Variants in TPTE2 observed in about 807,000 individuals in gnomAD.
The protein encoded by TPTE2 is transmembrane phosphoinositide 3-phosphatase and tensin homolog 2.
TPTE2 carries 53 observed loss-of-function variants against 78.6 expected under a neutral mutation model. That is an observed-to-expected ratio of 0.67 (90% CI 0.54 to 0.85). The LOEUF is 0.85. Ranked by LOEUF, TPTE2 falls within the 40% of genes least tolerant of loss-of-function variation. The pLI is 0.00. For synonymous variants in TPTE2, 175 were observed against 206.2 expected, an observed-to-expected ratio of 0.85 and a Z score of 1.30; for missense variants, 461 against 623.0, an observed-to-expected ratio of 0.74 and a Z score of 2.77.
intron 10 of TPTE2, among the ~76,000 whole-genome samples, chr13:19,459,943 T>C (rs1239684062): frequency 6.6e-6 from 1 of 152,194 alleles, no homozygotes; most frequent in Non-Finnish European, 1.5e-5. Context: ...AACCCGCTGC[T>C]GTTGGCAGGC....
the TPTE2 span, among the ~76,000 whole-genome samples, chr13:19,546,697 C>T: frequency 6.6e-6 from 1 of 151,524 alleles, no homozygotes; most frequent in African/African-American, 2.4e-5. Flanking sequence ...AACATGTTGG[C>T]CAGGCTGGTC....
the TPTE2 span, among the ~76,000 whole-genome samples, chr13:19,553,200 C>T: frequency 6.6e-6 from 1 of 152,126 alleles, no homozygotes; most frequent in African/African-American, 2.4e-5. Flanking sequence ...TGCATGTCAT[C>T]CTCACAACCA....
chr13:19,532,263 A>C (rs1369656935), intron 1 of TPTE2, among the ~76,000 whole-genome samples: 3 of 152,120 alleles, frequency 2.0e-5, no homozygotes, highest in African/African-American at 4.8e-5. Flanking sequence ...TCCAAAACTT[A>C]GGTCTTGCTA....
At chr13:19,545,795 G>A in the TPTE2 span, among the ~76,000 whole-genome samples, 22 of 152,320 alleles carry the variant, frequency 1.4e-4, no homozygotes, top group African/African-American at 5.1e-4. Flanking sequence ...TTAAGAAAGT[G>A]TCTAACACAA....
intron 13 of TPTE2, among the ~76,000 whole-genome samples, chr13:19,442,375 C>A (rs1877554847): frequency 6.7e-6 from 1 of 149,162 alleles, no homozygotes; most frequent in South Asian, 2.1e-4. Context: ...ATAGTTTGAA[C>A]TAAGTAAAAT....
chr13:19,447,140 A>G (rs1203705746), intron 13 of TPTE2, among the ~76,000 whole-genome samples: 2 of 152,196 alleles, frequency 1.3e-5, no homozygotes, highest in Non-Finnish European at 2.9e-5. Flanking sequence ...AACCAACCAG[A>G]AGATAGCAAG....
At chr13:19,424,477 A>C (rs1395194323) in intron 19 of TPTE2, among the ~76,000 whole-genome samples, 2 of 152,212 alleles carry the variant, frequency 1.3e-5, no homozygotes, top group Non-Finnish European at 2.9e-5. Context: ...ATTCCTTAAT[A>C]CTGTGTCTTG....
the TPTE2 span, among the ~76,000 whole-genome samples, chr13:19,542,180 G>C: frequency 6.6e-6 from 1 of 151,706 alleles, no homozygotes; most frequent in African/African-American, 2.4e-5. Flanking sequence ...TTTAGATACA[G>C]GTCTTGCTCT....
intron 10 of TPTE2, among the ~76,000 whole-genome samples, chr13:19,456,069 G>T (rs1878520692): frequency 6.6e-6 from 1 of 152,144 alleles, no homozygotes; most frequent in Non-Finnish European, 1.5e-5. Context: ...AGTATAAAAA[G>T]TGGGAAGAAA....
intron 18 of TPTE2, among the ~76,000 whole-genome samples, chr13:19,425,989 G>T (rs1157939298): frequency 6.6e-6 from 1 of 151,826 alleles, no homozygotes. Flanking sequence ...AGCCCAGGAG[G>T]GTGAAGCTAC....
chr13:19,475,848 C>T (rs1384759714), intron 4 of TPTE2, among the ~76,000 whole-genome samples: 2 of 152,158 alleles, frequency 1.3e-5, no homozygotes, highest in Admixed American at 6.5e-5. Context: ...TGTTTAGTAA[C>T]ATTTCCATTG....
At chr13:19,423,791 T>TC (rs1287698416) in intron 19 of TPTE2, among the ~76,000 whole-genome samples, 1 of 152,184 alleles carries the variant, frequency 6.6e-6, no homozygotes, top group African/African-American at 2.4e-5. Flanking sequence ...ATAAAAGTGA[T>TC]CTAGCTTATC....
At chr13:19,530,381 A>C (rs1283784648) in intron 1 of TPTE2, among the ~76,000 whole-genome samples, 1 of 152,208 alleles carries the variant, frequency 6.6e-6, no homozygotes, top group Non-Finnish European at 1.5e-5. Context: ...GAGCAGTCAC[A>C]TCTACTGACC....
chr13:19,466,075 T>C (rs1052011276), intron 7 of TPTE2, among the ~76,000 whole-genome samples: 4 of 152,156 alleles, frequency 2.6e-5, no homozygotes, highest in Non-Finnish European at 5.9e-5. Flanking sequence ...GGCAACAGAT[T>C]GAGATACTTC....
chr13:19,518,062 A>C (rs1447283792), intron 1 of TPTE2, among the ~76,000 whole-genome samples: 6 of 152,180 alleles, frequency 3.9e-5, no homozygotes, highest in African/African-American at 1.4e-4. Flanking sequence ...CTGAATAACT[A>C]TGTTTGTTTA....
At chr13:19,494,519 C>T (rs966250680) in intron 1 of TPTE2, among the ~76,000 whole-genome samples, 1 of 152,166 alleles carries the variant, frequency 6.6e-6, no homozygotes, top group Non-Finnish European at 1.5e-5. Flanking sequence ...ATCGATTCTC[C>T]TGCCTCACCC....
exon 11 of TPTE2, chr13:19,451,168 A>G: frequency 1.2e-6 from 2 of 1,613,430 alleles, no homozygotes; most frequent in African/African-American, 2.7e-5. Context: ...TACATACTGC[A>G]TAGATTGTAG....
chr13:19,522,619 C>CTTTTTTTTTTTTT (rs57248346), intron 1 of TPTE2, among the ~76,000 whole-genome samples: 51 of 121,638 alleles, frequency 4.2e-4, no homozygotes, highest in South Asian at 5.1e-4. Flanking sequence ...CTTTTTTTTT[C>CTTTTTTTTTTTTT]TTTTTTTTTT....
At chr13:19,450,980 A>C (rs1005060514) in intron 11 of TPTE2, among the ~76,000 whole-genome samples, 185 bp downstream of exon 14, 6 of 152,302 alleles carry the variant, frequency 3.9e-5, no homozygotes, top group African/African-American at 1.4e-4. Context: ...TTCATACGGT[A>C]CCTTGTGCTG....
Sources: gnomAD v4.1 joint callset for allele counts (sites outside exome capture counted in the v4.1 genomes callset) on GRCh38, gnomAD v4.1.1 for gene constraint, MANE v1.5 for transcripts, NCBI Gene and HGNC (gene_info 2026-07-23, HGNC 2026-07-21) for gene names.